AGBL1: variants seen among roughly 807,000 people sequenced by gnomAD.
AGBL1 encodes AGBL carboxypeptidase 1, also known as cytosolic carboxypeptidase 4.
Under a neutral mutation model 118.9 loss-of-function variants are expected in AGBL1, and 130 were observed. The observed-to-expected ratio is 1.09, with a 90% CI of 0.95 to 1.26. The LOEUF (loss-of-function observed/expected upper bound fraction) is 1.26. Ranked by LOEUF, AGBL1 falls within the 50% of genes most tolerant of loss-of-function variation. The pLI is 0.00. For synonymous variants in AGBL1, 555 were observed against 478.9 expected (o/e 1.16, Z -2.08); for missense variants, 1,584 against 1,298.1 (o/e 1.22, Z -3.38).
chr15:86,166,990 G>A (rs979084637), intron 5 of AGBL1, among the ~76,000 whole-genome samples: 2 of 152,108 alleles, frequency 1.3e-5, no homozygotes, highest in African/African-American at 4.8e-5. Flanking sequence ...TCCCTCTAGA[G>A]ACTAGAGGCA....
At chr15:86,974,973 G>A (rs1169609300) in intron 23 of AGBL1, among the ~76,000 whole-genome samples, 1 of 151,928 alleles carries the variant, frequency 6.6e-6, no homozygotes, top group Non-Finnish European at 1.5e-5. Flanking sequence ...AGGGACTTTA[G>A]GCAAGGGTCT....
intron 21 of AGBL1, among the ~76,000 whole-genome samples, chr15:86,560,325 T>C (rs2083798225): frequency 1.4e-5 from 2 of 138,446 alleles, no homozygotes; most frequent in Admixed American, 1.4e-4. Flanking sequence ...GTGTGTGATG[T>C]TCCCCTTCCT....
chr15:86,729,160 T>C (rs2077496407), intron 22 of AGBL1, among the ~76,000 whole-genome samples: 1 of 152,178 alleles, frequency 6.6e-6, no homozygotes, highest in Non-Finnish European at 1.5e-5. Context: ...GTCTCTAGAG[T>C]ATTCTAAATA....
chr15:86,773,161 G>A (rs191537571), intron 22 of AGBL1, among the ~76,000 whole-genome samples: 1 of 152,158 alleles, frequency 6.6e-6, no homozygotes, highest in Admixed American at 6.6e-5. Context: ...GTTAGGCCCT[G>A]AGTTGTAGGG....
chr15:86,817,728 G>C (rs1332850677), intron 22 of AGBL1, among the ~76,000 whole-genome samples: 1 of 151,834 alleles, frequency 6.6e-6, no homozygotes, highest in Non-Finnish European at 1.5e-5. Context: ...TCCTCCAAAA[G>C]ATACATTGAA....
At chr15:86,171,784 C>T (rs2077419491) in intron 5 of AGBL1, among the ~76,000 whole-genome samples, 1 of 152,106 alleles carries the variant, frequency 6.6e-6, no homozygotes, top group African/African-American at 2.4e-5. Context: ...GAATATAGAA[C>T]CAGCCCAAAT....
chr15:86,176,273 T>A (rs938949086), intron 5 of AGBL1, among the ~76,000 whole-genome samples: 1 of 152,034 alleles, frequency 6.6e-6, no homozygotes, highest in African/African-American at 2.4e-5. Context: ...GATGTGTAGG[T>A]CCCTAGATGG....
At chr15:86,553,565 T>C (rs1187348482) in intron 20 of AGBL1, among the ~76,000 whole-genome samples, 1 of 152,188 alleles carries the variant, frequency 6.6e-6, no homozygotes, top group African/African-American at 2.4e-5. Context: ...AGAAGTGAAC[T>C]ATATGTGCTT....
At chr15:86,546,701 T>C (rs1192659435) in intron 20 of AGBL1, among the ~76,000 whole-genome samples, 2 of 152,186 alleles carry the variant, frequency 1.3e-5, no homozygotes, top group African/African-American at 4.8e-5. Flanking sequence ...TATTTTACTT[T>C]AGTTTTAGTG....
At chr15:86,712,096 C>T (rs990527015) in intron 22 of AGBL1, among the ~76,000 whole-genome samples, 2 of 152,178 alleles carry the variant, frequency 1.3e-5, no homozygotes, top group East Asian at 1.9e-4. Flanking sequence ...ACCTTTCTGA[C>T]TCTATAGCCT....
At chr15:86,738,788 A>C (rs979575526) in intron 22 of AGBL1, among the ~76,000 whole-genome samples, 4 of 152,130 alleles carry the variant, frequency 2.6e-5, no homozygotes, top group Non-Finnish European at 4.4e-5. Context: ...AGGCTCCAAA[A>C]GATAGAAGTT....
intron 21 of AGBL1, among the ~76,000 whole-genome samples, chr15:86,605,574 T>C (rs2084563668): frequency 6.6e-6 from 1 of 152,166 alleles, no homozygotes; most frequent in South Asian, 2.1e-4. Context: ...CTTTTTACTT[T>C]CTAAATCTCT....
intron 22 of AGBL1, among the ~76,000 whole-genome samples, chr15:86,715,276 A>G (rs1164032370): frequency 1.3e-5 from 2 of 152,196 alleles, no homozygotes; most frequent in African/African-American, 4.8e-5. Flanking sequence ...GTTGCTGTTC[A>G]CTATTTCTAT....
At chr15:86,457,017 C>T (rs1289531810) in intron 18 of AGBL1, among the ~76,000 whole-genome samples, 1 of 152,032 alleles carries the variant, frequency 6.6e-6, no homozygotes, top group African/African-American at 2.4e-5. Context: ...CCGCTATTTG[C>T]CTTGTTAGTA....
At position 86,968,857 on chromosome 15, in the gene AGBL1, C is replaced by G. The variant is rs556810811; in HGVS notation, c.3222-19130C>G. On this transcript the variant is annotated intron_variant, in intron 23 of 24. Transcript: ENST00000441037. The stretch of plus-strand genomic sequence containing the variant: ...GGCTTGTTACTCACAGATGGAGACC[C>G]CTTGTAGCTTTCTCACATCGTGGAA... Among the ~76,000 whole-genome samples, 6 of 151,962 alleles carry G rather than the reference C, an allele frequency of 3.9e-5. 1 individual carries two copies. Among genetic ancestry groups the G allele is most frequent in the South Asian group, 4.2e-4 (2 of 4,814 alleles).
intron 22 of AGBL1, among the ~76,000 whole-genome samples, chr15:86,872,904 T>C (rs967303680): frequency 2.0e-5 from 3 of 152,234 alleles, no homozygotes; most frequent in African/African-American, 7.2e-5. Context: ...TGAAGACACT[T>C]ATTCTCAAAC....
intron 17 of AGBL1, among the ~76,000 whole-genome samples, chr15:86,316,470 T>G (rs549721682): frequency 6.6e-6 from 1 of 152,294 alleles, no homozygotes; most frequent in Non-Finnish European, 1.5e-5. Context: ...CTGACGGCCC[T>G]GGCTCTCATG....
At chr15:86,239,642 T>C (rs547507173) in intron 6 of AGBL1, among the ~76,000 whole-genome samples, 1 of 152,302 alleles carries the variant, frequency 6.6e-6, no homozygotes, top group South Asian at 2.1e-4. Flanking sequence ...GGCTATTTAT[T>C]TGGGTCTTTA....
At chr15:86,805,138 A>G (rs372140948) in intron 22 of AGBL1, among the ~76,000 whole-genome samples, 9 of 152,198 alleles carry the variant, frequency 5.9e-5, no homozygotes, top group African/African-American at 1.9e-4. Context: ...CCATGGGCCA[A>G]TGACAAATTA....
Sources: gnomAD v4.1 joint callset for allele counts (sites outside exome capture counted in the v4.1 genomes callset) on GRCh38, gnomAD v4.1.1 for gene constraint, MANE v1.5 for transcripts, NCBI Gene and HGNC (gene_info 2026-07-23, HGNC 2026-07-21) for gene names.